TMEM138: variants seen among roughly 807,000 people sequenced by gnomAD.
The protein encoded by TMEM138 is transmembrane protein 138.
TMEM138 carries 9 observed loss-of-function variants against 18.1 expected under a neutral mutation model. The ratio of observed to expected loss-of-function variants is 0.50; its 90% confidence interval spans 0.30 to 0.87. The LOEUF (loss-of-function observed/expected upper bound fraction) is 0.87. TMEM138 is among the 40% of genes least tolerant of loss of function. The pLI is 0.06. For missense variants in TMEM138, 189 were observed against 190.6 expected, an observed-to-expected ratio of 0.99 and a Z score of 0.05; for synonymous variants, 79 against 74.8, an observed-to-expected ratio of 1.06 and a Z score of -0.29.
In TMEM138 at chr11:61,369,237, A is replaced by T. The variant is rs981266662; in HGVS notation, c.*528A>T. ...TGGGGGAGTCTGTCTGTCTAGCTAGATCTCTTCATGTTAAGAGGCGTGCCA... is the reference window on the plus strand; with the variant it reads ...TGGGGGAGTCTGTCTGTCTAGCTAGTTCTCTTCATGTTAAGAGGCGTGCCA... On this transcript the variant is annotated 3_prime_UTR_variant, in exon 5 of 5. Transcript: ENST00000278826. 4 of 154,444 alleles carry T rather than the reference A, an allele frequency of 2.6e-5. 1 individual carries two copies. Among genetic ancestry groups the T allele is most frequent in the Admixed American group, 2.5e-4 (4 of 15,778 alleles). 9.6% of individuals were successfully genotyped at this position (154,444 alleles called of 1,614,324 possible).
At chr11:61,365,351 C>T (rs1858105735) in intron 2 of TMEM138, among the ~76,000 whole-genome samples, 1 of 151,734 alleles carries the variant, frequency 6.6e-6, no homozygotes, top group African/African-American at 2.4e-5. Context: ...ACCTCCGCCC[C>T]CTGGGTTCAA....
downstream of TMEM138, among the ~76,000 whole-genome samples, chr11:61,373,618 A>G (rs1275703202): frequency 6.6e-6 from 1 of 152,044 alleles, no homozygotes; most frequent in Non-Finnish European, 1.5e-5. Flanking sequence ...AAATCAAATT[A>G]TAAATAATGT....
At chr11:61,376,052 A>G (rs1858430793), downstream of TMEM138, among the ~76,000 whole-genome samples, 1 of 152,208 alleles carries the variant, frequency 6.6e-6, no homozygotes, top group African/African-American at 2.4e-5. Flanking sequence ...AAGCCTATGT[A>G]AAAAATAATT....
At chr11:61,368,418 A>G (rs1322867026) in intron 4 of TMEM138, 179 bp from the exon 5 acceptor site, 5 of 552,842 alleles carry the variant, frequency 9.0e-6, no homozygotes, top group African/African-American at 5.7e-5. Flanking sequence ...TAGTAGAGAC[A>G]GGGTTTCACC....
Position 61,366,041 on chromosome 11 carries a change from A to G in TMEM138, c.129-4A>G, listed in dbSNP as rs372877379. 1.2e-4 allele frequency: 191 copies of G among 1,610,478 alleles called. No homozygotes were observed. Among genetic ancestry groups the G allele is most frequent in the Non-Finnish European group, 1.5e-4 (180 of 1,178,528 alleles). On this transcript the variant is annotated splice_region_variant and splice_polypyrimidine_tract_variant and intron_variant, in intron 2 of 4. Transcript: ENST00000278826. Reference sequence around the variant, plus strand: ...ATTGGTTGTACTTTTTTTTATGTCTACAGCATCCAGGATATTGCAGTCCTC... The same window carrying G: ...ATTGGTTGTACTTTTTTTTATGTCTGCAGCATCCAGGATATTGCAGTCCTC...
chr11:61,364,755 C>G, intron 2 of TMEM138: 1 of 399,168 alleles, frequency 2.5e-6, no homozygotes, highest in Non-Finnish European at 4.6e-6. Flanking sequence ...ATTAGCTAGG[C>G]ATGGTGCCAC....
intron 3 of TMEM138, chr11:61,367,256 T>G (rs565120594): frequency 5.4e-4 from 82 of 152,380 alleles, no homozygotes; most frequent in African/African-American, 1.9e-3. Flanking sequence ...TGTCTGTGGT[T>G]TCAGATTTCT....
At chr11:61,371,912 C>T (rs1031761105), downstream of TMEM138, among the ~76,000 whole-genome samples, 1 of 152,148 alleles carries the variant, frequency 6.6e-6, no homozygotes, top group African/African-American at 2.4e-5. Context: ...CACAGTGGCT[C>T]ACACCTGTAA....
intron 2 of TMEM138, chr11:61,364,758 G>A (rs1565077165): frequency 2.6e-6 from 1 of 390,816 alleles, no homozygotes; most frequent in Non-Finnish European, 4.7e-6. Flanking sequence ...AGCTAGGCAT[G>A]GTGCCACACA....
Position 61,368,556 on chromosome 11 carries a change from A to G in TMEM138, c.377-41A>G, listed in dbSNP as rs1255366611. 3 of 1,427,694 alleles carry G rather than the reference A, an allele frequency of 2.1e-6. No individual in the cohort carries two copies. In the Admixed American group the frequency reaches 5.1e-5, roughly 24 times the overall value. 88.4% of individuals were successfully genotyped at this position (1,427,694 alleles called of 1,614,324 possible). The stretch of plus-strand genomic sequence containing the variant: ...CTGTTCTTAACCTGAAATGATACTC[A>G]GGAGCACCCCTGAGGCTTCTCTTCT... On this transcript the variant is annotated intron_variant, in intron 4 of 4. Coordinates refer to ENST00000278826, the MANE Select transcript of TMEM138 (RefSeq NM_016464.5).
intron 3 of TMEM138, chr11:61,367,659 A>G: frequency 2.5e-6 from 1 of 406,562 alleles, no homozygotes; most frequent in Admixed American, 3.8e-5. Context: ...GATAATGAAT[A>G]TATCATTTCT....
Position 61,366,126 on chromosome 11 carries a change from G to A in TMEM138, c.210G>A (p.Leu70=), listed in dbSNP as rs1858141258. The A allele has an allele frequency of 3.7e-6, 6 of 1,614,054 alleles. No homozygotes were observed. In the Admixed American group the frequency reaches 8.3e-5, roughly 22 times the overall value. ...ACACCTTCGTCTTCCAGGCTGGCCT[G>A]GTCAACCTCCTATTCCATAAGTTCA... ...FFNTFVFQAG[L]VNLLFHKFKG... Residue 70 remains leucine (L), a synonymous_variant, in exon 3 of 5, where the codon CTG becomes CTA. Coordinates refer to ENST00000278826, the MANE Select transcript of TMEM138 (RefSeq NM_016464.5).
rs773659373 is a variant in TMEM138, at chr11:61,368,683, A to G, written c.463A>G (p.Lys155Glu). Reference protein sequence around the residue: ...HFYQDSLWLRKEFMQVRR With the variant: ...HFYQDSLWLREEFMQVRR ...CTACCAGGACTCTTTGTGGCTGCGC[A>G]AGGAGTTCATGCAAGTTCGAAGGTG... The change falls in exon 5 of 5, where the codon AAG (lysine) becomes GAG (glutamate). Residue 155 changes from lysine (K) to glutamate (E), a missense_variant. Lys to Glu is a moderately conservative substitution (Grantham distance 56). Transcript: ENST00000278826. 1.1e-4 allele frequency: 172 copies of G among 1,613,932 alleles called. No homozygotes were observed. The highest frequency in any genetic ancestry group is 9.9e-4 in the Middle Eastern group (6 of 6,032).
Position 61,366,272 on chromosome 11 carries a change from TCTTA to T in TMEM138, c.300+60_300+63del, listed in dbSNP as rs1375877097. On this transcript the variant is annotated intron_variant, in intron 3 of 4. Coordinates refer to ENST00000278826, the MANE Select transcript of TMEM138 (RefSeq NM_016464.5). ...ATTTTTATTTTAAATAGAGGTGGGG[TCTTA>T]CTTTGTTACCAAGGCTGGTCTCAAA... 3.2e-6 allele frequency: 5 copies of T among 1,557,334 alleles called. No homozygotes were observed. The South Asian group carries it at 4.9e-5, about 15-fold the overall frequency.
At chr11:61,366,293 G>A in intron 3 of TMEM138, 77 bp downstream of exon 3, 1 of 1,485,656 alleles carries the variant, frequency 6.7e-7, no homozygotes, top group Non-Finnish European at 9.0e-7. Flanking sequence ...TACCAAGGCT[G>A]GTCTCAAACT....
rs1334702837 is a variant in TMEM138, at chr11:61,364,341, T to C, written c.-50T>C. The C allele has an allele frequency of 2.5e-6, 4 of 1,604,214 alleles. No homozygotes were observed. Among genetic ancestry groups the C allele is most frequent in the Non-Finnish European group, 3.4e-6 (4 of 1,173,938 alleles). The stretch of plus-strand genomic sequence containing the variant: ...GTAGGGAGACAGCCAGGAGCGGTTT[T>C]CTGGGAACTGTGGGATGTGCCCTTG... On this transcript the variant is annotated 5_prime_UTR_variant, in exon 2 of 5. Transcript: ENST00000278826.
At chr11:61,364,645 T>G (rs1858072509) in intron 2 of TMEM138, 127 bp downstream of exon 2, 62 of 1,318,986 alleles carry the variant, frequency 4.7e-5, no homozygotes, top group Non-Finnish European at 6.2e-5. Context: ...TCCCAGGACT[T>G]TGGGAAGCCA....
At chr11:61,372,245 A>G (rs145544107), downstream of TMEM138, among the ~76,000 whole-genome samples, 346 of 152,018 alleles carry the variant, frequency 2.3e-3, 1 homozygote, top group African/African-American at 7.9e-3. Context: ...TAAAGTGTTG[A>G]AGTCCACAGA....
chr11:61,367,939 A>T lies in TMEM138; in HGVS notation c.317A>T (p.Asn106Ile), dbSNP rs932618021. 8 of 1,612,606 alleles carry T rather than the reference A, an allele frequency of 5.0e-6. No homozygotes were observed. The highest frequency in any genetic ancestry group is 1.7e-5 in the Admixed American group (1 of 59,968). Reference sequence around the variant, plus strand: ...CTCCTTCAGAACTTACGCTGGAAAAACTCCAACAGCTTCATATGGACAGAT... The same window carrying T: ...CTCCTTCAGAACTTACGCTGGAAAATCTCCAACAGCTTCATATGGACAGAT... ...HVWVMNLRWK[N>I]SNSFIWTDGL... Residue 106 changes from asparagine (N) to isoleucine (I), a missense_variant, in exon 4 of 5, where the codon AAC becomes ATC. By Grantham distance (149) the Asn-to-Ile change is moderately radical. Transcript: ENST00000278826.
Sources: allele counts gnomAD v4.1 joint callset (sites outside exome capture counted in the v4.1 genomes callset), GRCh38; gene constraint gnomAD v4.1.1; transcripts MANE v1.5; gene names NCBI Gene and HGNC (gene_info 2026-07-23, HGNC 2026-07-21).